Variants in PTPRK observed in about 807,000 individuals in gnomAD.
PTPRK encodes receptor-type tyrosine-protein phosphatase kappa.
In PTPRK, 75 loss-of-function variants were observed where a neutral mutation model predicts 178.0. The ratio of observed to expected loss-of-function variants is 0.42; its 90% CI spans 0.35 to 0.51. PTPRK has a LOEUF of 0.51. PTPRK is among the 20% of genes least tolerant of loss of function. The pLI is 0.02. For missense variants in PTPRK, 1,441 were observed against 1,797.8 expected (o/e 0.80, Z 3.59); for synonymous variants, 637 against 620.6 (o/e 1.03, Z -0.39).
intron 13 of PTPRK, among the ~76,000 whole-genome samples, chr6:128,026,373 G>T (rs1487799726): frequency 6.6e-6 from 1 of 152,140 alleles, no homozygotes; most frequent in Non-Finnish European, 1.5e-5. Context: ...AAATACAGTT[G>T]TAATAGCTAC....
intron 6 of PTPRK, among the ~76,000 whole-genome samples, chr6:128,191,008 TAAAG>T (rs1399237807): frequency 6.6e-6 from 1 of 152,116 alleles, no homozygotes; most frequent in East Asian, 1.9e-4. Flanking sequence ...TATGATGAAC[TAAAG>T]AAAGAGTGTG....
chr6:128,456,294 G>C (rs1304660066), intron 1 of PTPRK, among the ~76,000 whole-genome samples: 2 of 151,940 alleles, frequency 1.3e-5, no homozygotes, highest in African/African-American at 2.4e-5. Context: ...TTCCAGCCAG[G>C]GAGGCAGAAG....
intron 1 of PTPRK, among the ~76,000 whole-genome samples, chr6:128,427,257 T>C (rs1451776014): frequency 6.6e-6 from 1 of 152,178 alleles, no homozygotes; most frequent in Non-Finnish European, 1.5e-5. Context: ...ATAAGAATAC[T>C]TTAAGAGGTG....
At position 128,029,801 on chromosome 6, in the gene PTPRK, A is replaced by C. The variant is rs1432719188; in HGVS notation, c.2195-20533T>G. On this transcript the variant is annotated intron_variant, in intron 13 of 29. Transcript: ENST00000368226. ...AAATACTTGTAAAGCATCATGATCC[A>C]GATGTGCTGGAGATTGAGGATGAAA... Among the ~76,000 whole-genome samples, 8 of 152,246 alleles carry C rather than the reference A, an allele frequency of 5.3e-5. No individual in the cohort carries two copies. The South Asian group carries it at 8.3e-4, about 16-fold the overall frequency.
At chr6:127,978,148 A>G (rs2114618987) in intron 25 of PTPRK, among the ~76,000 whole-genome samples, 1 of 152,324 alleles carries the variant, frequency 6.6e-6, no homozygotes, top group South Asian at 2.1e-4. Flanking sequence ...CTACTTCTAA[A>G]TGACCTCAAA....
intron 1 of PTPRK, among the ~76,000 whole-genome samples, chr6:128,474,963 G>A (rs1191253573): frequency 6.6e-6 from 1 of 152,132 alleles, no homozygotes; most frequent in East Asian, 1.9e-4. Flanking sequence ...TACACAGTGT[G>A]GCAAGGCAGG....
chr6:128,273,012 T>C (rs1820112847), intron 3 of PTPRK, among the ~76,000 whole-genome samples: 2 of 152,208 alleles, frequency 1.3e-5, no homozygotes. Context: ...ATATACACCA[T>C]TGAATACTAT....
chr6:128,133,981 A>C (rs182027092), intron 7 of PTPRK, among the ~76,000 whole-genome samples: 1 of 152,344 alleles, frequency 6.6e-6, no homozygotes, highest in Admixed American at 6.5e-5. Flanking sequence ...TTAAGAATCA[A>C]ATTCTGCCCC....
chr6:128,064,745 G>A lies in PTPRK; in HGVS notation c.2194+13C>T, dbSNP rs773149882. On this transcript the variant is annotated intron_variant, in intron 13 of 29. Coordinates refer to ENST00000368226, the MANE Select transcript of PTPRK (RefSeq NM_002844.4). Reference sequence around the variant, plus strand: ...AGAGTAGTTAAAACAAGCAAAAAAAGCAAACCTCTTACCTTTTGTAGCAAT... The same window carrying A: ...AGAGTAGTTAAAACAAGCAAAAAAAACAAACCTCTTACCTTTTGTAGCAAT... 14 of 1,580,806 alleles carry A rather than the reference G, an allele frequency of 8.9e-6. No homozygotes were observed. The highest frequency in any genetic ancestry group is 5.9e-5 in the Admixed American group (3 of 50,554).
At chr6:128,199,564 C>CAAGG (rs146460168) in intron 6 of PTPRK, among the ~76,000 whole-genome samples, 4 of 109,012 alleles carry the variant, frequency 3.7e-5, no homozygotes. Context: ...TACAATATAT[C>CAAGG]AAGGAAGGAA....
intron 1 of PTPRK, among the ~76,000 whole-genome samples, chr6:128,502,389 A>G (rs1855690183): frequency 6.6e-6 from 1 of 152,242 alleles, no homozygotes; most frequent in Non-Finnish European, 1.5e-5. Flanking sequence ...TGACATCAAC[A>G]TTTTGTGTCA....
intron 1 of PTPRK, among the ~76,000 whole-genome samples, chr6:128,485,048 T>TA (rs1196743564): frequency 6.6e-6 from 1 of 152,192 alleles, no homozygotes; most frequent in African/African-American, 2.4e-5. Context: ...GAGGTCCATA[T>TA]ACCAAATGTA....
At chr6:128,275,785 G>C (rs1260780974) in intron 3 of PTPRK, among the ~76,000 whole-genome samples, 1 of 151,944 alleles carries the variant, frequency 6.6e-6, no homozygotes, top group African/African-American at 2.4e-5. Context: ...TACTTTCTAA[G>C]GTCCCTTTCA....
chr6:128,307,657 C>G (rs1318307586), intron 3 of PTPRK, among the ~76,000 whole-genome samples: 3 of 151,784 alleles, frequency 2.0e-5, no homozygotes, highest in Non-Finnish European at 4.4e-5. Flanking sequence ...GCAAAAGACA[C>G]AAATGAAAAC....
intron 2 of PTPRK, among the ~76,000 whole-genome samples, chr6:128,376,575 G>A (rs1837104425): frequency 6.6e-6 from 1 of 152,158 alleles, no homozygotes; most frequent in Non-Finnish European, 1.5e-5. Context: ...CCATTGTCTT[G>A]GTGATTAACA....
intron 3 of PTPRK, among the ~76,000 whole-genome samples, chr6:128,296,787 C>T (rs1362329132): frequency 6.6e-6 from 1 of 152,126 alleles, no homozygotes; most frequent in Non-Finnish European, 1.5e-5. Context: ...ATTGTAAAGA[C>T]CATCGAGGCT....
intron 3 of PTPRK, among the ~76,000 whole-genome samples, chr6:128,296,607 T>G (rs1200047189): frequency 6.6e-6 from 1 of 152,140 alleles, no homozygotes; most frequent in Non-Finnish European, 1.5e-5. Flanking sequence ...ACCCAGAATT[T>G]CATATTCAGC....
intron 3 of PTPRK, among the ~76,000 whole-genome samples, chr6:128,313,933 T>C (rs1827621906): frequency 6.6e-6 from 1 of 152,158 alleles, no homozygotes; most frequent in Non-Finnish European, 1.5e-5. Context: ...AGCATTAGGA[T>C]TCTTTCCTCA....
At chr6:128,096,053 T>A (rs549599546) in intron 7 of PTPRK, among the ~76,000 whole-genome samples, 2 of 152,322 alleles carry the variant, frequency 1.3e-5, no homozygotes, top group South Asian at 4.1e-4. Context: ...TGAGAAAGGC[T>A]ACATGAAATC....
Sources: allele counts gnomAD v4.1 joint callset (sites outside exome capture counted in the v4.1 genomes callset), GRCh38; gene constraint gnomAD v4.1.1; transcripts MANE v1.5; gene names NCBI Gene and HGNC (gene_info 2026-07-23, HGNC 2026-07-21).